WWOX: variants seen among roughly 807,000 people sequenced by gnomAD.
The protein encoded by WWOX is WW domain containing oxidoreductase, also known as WW domain-containing oxidoreductase.
In WWOX, 69 loss-of-function variants were observed where a neutral mutation model predicts 46.2. The observed-to-expected ratio is 1.49, with a 90% CI of 1.23 to 1.82. The LOEUF (loss-of-function observed/expected upper bound fraction) is 1.82, where lower values mean the gene tolerates loss of function less well. Ranked by LOEUF, WWOX falls within the 40% of genes most tolerant of loss-of-function variation. WWOX has a pLI of 0.00. For synonymous variants in WWOX, 359 were observed against 202.6 expected, an observed-to-expected ratio of 1.77 and a Z score of -6.56; for missense variants, 919 against 542.6, an observed-to-expected ratio of 1.69 and a Z score of -6.89.
intron 5 of WWOX, among the ~76,000 whole-genome samples, chr16:78,190,475 C>T (rs1289790046): frequency 6.6e-6 from 1 of 152,212 alleles, no homozygotes. Flanking sequence ...CCTAGTGACT[C>T]TCTGGTCTCC....
intron 8 of WWOX, among the ~76,000 whole-genome samples, chr16:78,826,293 C>T (rs1033862563): frequency 2.0e-5 from 3 of 152,170 alleles, no homozygotes; most frequent in Non-Finnish European, 4.4e-5. Flanking sequence ...TTGCAGTGAG[C>T]CAAGATCGTG....
chr16:78,789,266 C>G (rs954821558), intron 8 of WWOX, among the ~76,000 whole-genome samples: 1 of 152,088 alleles, frequency 6.6e-6, no homozygotes, highest in African/African-American at 2.4e-5. Context: ...TCTTCTCAGA[C>G]TTTTATAGTT....
intron 8 of WWOX, among the ~76,000 whole-genome samples, chr16:78,480,111 G>A (rs2084450757): frequency 6.6e-6 from 1 of 152,182 alleles, no homozygotes; most frequent in Non-Finnish European, 1.5e-5. Flanking sequence ...GAGCTTCACT[G>A]TCCAATATGG....
chr16:78,647,561 C>T (rs1392310926), intron 8 of WWOX, among the ~76,000 whole-genome samples: 2 of 152,216 alleles, frequency 1.3e-5, no homozygotes, highest in Non-Finnish European at 2.9e-5. Flanking sequence ...CTCAAAGCTC[C>T]ACTGCCACTG....
intron 5 of WWOX, among the ~76,000 whole-genome samples, chr16:78,379,929 A>G (rs1219493215): frequency 1.3e-5 from 2 of 152,190 alleles, no homozygotes; most frequent in Non-Finnish European, 2.9e-5. Context: ...TGTCGGAAGG[A>G]TGGAGAGGAG....
chr16:78,859,813 G>C (rs187806486), intron 8 of WWOX, among the ~76,000 whole-genome samples: 1 of 144,890 alleles, frequency 6.9e-6, no homozygotes, highest in East Asian at 2.0e-4. Context: ...AAAATGAAGA[G>C]GAAATTTAAT....
intron 8 of WWOX, among the ~76,000 whole-genome samples, chr16:78,883,846 T>G (rs776309683): frequency 1.3e-5 from 2 of 152,178 alleles, no homozygotes; most frequent in Non-Finnish European, 2.9e-5. Context: ...GTAAGTTTCC[T>G]GTAATACTAA....
At chr16:79,035,090 A>C (rs893467958) in intron 8 of WWOX, among the ~76,000 whole-genome samples, 1 of 152,240 alleles carries the variant, frequency 6.6e-6, no homozygotes, top group African/African-American at 2.4e-5. Flanking sequence ...TGAAACAAAC[A>C]AACAAATAAA....
chr16:79,177,493 T>C (rs1597448528), intron 8 of WWOX, among the ~76,000 whole-genome samples: 1 of 152,166 alleles, frequency 6.6e-6, no homozygotes, highest in East Asian at 1.9e-4. Flanking sequence ...TTTTATGGGG[T>C]CATTACAGAT....
At chr16:78,866,132 C>G (rs1445536550) in intron 8 of WWOX, among the ~76,000 whole-genome samples, 1 of 152,166 alleles carries the variant, frequency 6.6e-6, no homozygotes, top group East Asian at 1.9e-4. Context: ...TCTTCCATAA[C>G]ATAGATTTCC....
intron 8 of WWOX, among the ~76,000 whole-genome samples, chr16:78,836,179 T>TC (rs1180058239): frequency 1.3e-5 from 2 of 151,888 alleles, no homozygotes; most frequent in African/African-American, 4.8e-5. Flanking sequence ...AACATGCATT[T>TC]TTTTTTTTTA....
chr16:79,015,248 C>G (rs1024676661), intron 8 of WWOX, among the ~76,000 whole-genome samples: 4 of 152,064 alleles, frequency 2.6e-5, no homozygotes, highest in Admixed American at 6.6e-5. Context: ...CTGGGCCTAG[C>G]TAAGGGGAAA....
intron 8 of WWOX, among the ~76,000 whole-genome samples, chr16:79,057,936 G>C (rs2113303): frequency 0.6 from 91,424 of 151,854 alleles, 28,662 homozygotes; most frequent in African/African-American, 0.77. Context: ...ATCATTATCA[G>C]TGGCCAAATC....
chr16:78,830,553 A>T (rs1319929842), intron 8 of WWOX, among the ~76,000 whole-genome samples: 2 of 152,056 alleles, frequency 1.3e-5, no homozygotes, highest in Non-Finnish European at 2.9e-5. Context: ...GCAGATTCCC[A>T]GCATCTTCTT....
At chr16:78,279,832 T>G (rs2079644072) in intron 5 of WWOX, among the ~76,000 whole-genome samples, 3 of 152,224 alleles carry the variant, frequency 2.0e-5, no homozygotes, top group Admixed American at 2.0e-4. Flanking sequence ...AGATGAAGTA[T>G]CAGGGGATGC....
chr16:78,140,388 C>T (rs886413983), intron 4 of WWOX, among the ~76,000 whole-genome samples: 2 of 152,128 alleles, frequency 1.3e-5, no homozygotes, highest in Non-Finnish European at 2.9e-5. Context: ...TCTGGGGCTG[C>T]TGTAGCAAAG....
rs34788836 is a variant in WWOX, at chr16:78,768,593, GAA to G, written c.1056+335855_1056+335856del. On this transcript the variant is annotated intron_variant, in intron 8 of 8. Coordinates refer to ENST00000566780, the MANE Select transcript of WWOX (RefSeq NM_016373.4). ...TGACACAGTGAGACTTCATCTCGAG[GAA>G]AAAAAAAAAAAAAGGCTTTGGAGCT... Among the ~76,000 whole-genome samples the G allele has an allele frequency of 6.8e-4, 91 of 133,268 alleles. 1 individual carries two copies. In the South Asian group the frequency reaches 7.7e-3, roughly 11 times the overall value. 87.4% of individuals were successfully genotyped at this position (133,268 alleles called of 152,430 possible).
chr16:79,112,892 C>T (rs1247629196), intron 8 of WWOX, among the ~76,000 whole-genome samples: 1 of 152,194 alleles, frequency 6.6e-6, no homozygotes, highest in Non-Finnish European at 1.5e-5. Flanking sequence ...CTTGGACAGT[C>T]TAGCCTCTGT....
At chr16:78,751,814 A>C (rs2049487675) in intron 8 of WWOX, among the ~76,000 whole-genome samples, 1 of 151,930 alleles carries the variant, frequency 6.6e-6, no homozygotes, top group South Asian at 2.1e-4. Context: ...AGGAAGAGAA[A>C]GGATTTTCTA....
Sources: allele counts gnomAD v4.1 joint callset (sites outside exome capture counted in the v4.1 genomes callset), GRCh38; gene constraint gnomAD v4.1.1; transcripts MANE v1.5; gene names NCBI Gene and HGNC (gene_info 2026-07-23, HGNC 2026-07-21).